VAV3: variants seen among roughly 807,000 people sequenced by gnomAD.
VAV3 encodes vav guanine nucleotide exchange factor 3.
VAV3 carries 94 observed loss-of-function variants against 131.2 expected under a neutral mutation model. The observed-to-expected ratio is 0.72, with a 90% CI of 0.61 to 0.85. The LOEUF (loss-of-function observed/expected upper bound fraction) is 0.85. VAV3 is among the 40% of genes least tolerant of loss of function. The probability of loss-of-function intolerance (pLI) is 0.00; values close to 1 mark genes in which losing one functional copy is unlikely to be tolerated. For missense variants in VAV3, 939 were observed against 1,002.7 expected, an observed-to-expected ratio of 0.94 and a Z score of 0.86; for synonymous variants, 349 against 342.0, an observed-to-expected ratio of 1.02 and a Z score of -0.22.
chr1:107,698,892 T>G (rs573666722), intron 17 of VAV3, among the ~76,000 whole-genome samples: 1 of 152,122 alleles, frequency 6.6e-6, no homozygotes, highest in African/African-American at 2.4e-5. Context: ...GAGAACTTAT[T>G]CACTATCATG....
intron 1 of VAV3, among the ~76,000 whole-genome samples, chr1:107,877,632 T>C (rs1002679004): frequency 4.6e-5 from 7 of 152,326 alleles, no homozygotes; most frequent in African/African-American, 1.7e-4. Context: ...CCACAAATAT[T>C]TACTGAATTT....
chr1:107,842,643 T>G lies in VAV3; in HGVS notation c.321+32258A>C, dbSNP rs79482905. Among the ~76,000 whole-genome samples the G allele has an allele frequency of 7.4e-3, 1,133 of 152,298 alleles. 13 individuals are homozygous for G. Among genetic ancestry groups the G allele is most frequent in the African/African-American group, 0.017 (688 of 41,570 alleles). ...GAGATAGCTCAATGAGATTTCATTC[T>G]TCTTTTTTTTAAAACTTAGTTAATT... On this transcript the variant is annotated intron_variant, in intron 2 of 26. Coordinates refer to ENST00000370056, the MANE Select transcript of VAV3 (RefSeq NM_006113.5).
intron 2 of VAV3, among the ~76,000 whole-genome samples, chr1:107,781,591 A>G (rs1665693392): frequency 6.6e-6 from 1 of 152,214 alleles, no homozygotes; most frequent in South Asian, 2.1e-4. Context: ...AAAACTCTTT[A>G]GGATAGTTCT....
chr1:107,920,214 T>C (rs1672828746), intron 1 of VAV3, among the ~76,000 whole-genome samples: 1 of 152,198 alleles, frequency 6.6e-6, no homozygotes, highest in East Asian at 1.9e-4. Flanking sequence ...GTATAGCATG[T>C]GATAAAACGG....
At chr1:107,888,569 C>T (rs1334431537) in intron 1 of VAV3, among the ~76,000 whole-genome samples, 2 of 152,292 alleles carry the variant, frequency 1.3e-5, no homozygotes, top group East Asian at 1.9e-4. Flanking sequence ...TGCGATTCTC[C>T]TGCCTCAGAC....
At chr1:107,950,659 G>A (rs1450477742) in intron 1 of VAV3, among the ~76,000 whole-genome samples, 1 of 152,206 alleles carries the variant, frequency 6.6e-6, no homozygotes, top group Non-Finnish European at 1.5e-5. Context: ...GCCTGAGAAG[G>A]AGGGTGCTCT....
At chr1:107,657,834 C>T (rs1557738934) in intron 19 of VAV3, among the ~76,000 whole-genome samples, 2 of 152,162 alleles carry the variant, frequency 1.3e-5, no homozygotes, top group Admixed American at 6.5e-5. Flanking sequence ...TTTTCAGGTG[C>T]TTCACTGGTG....
At chr1:107,590,337 C>T (rs1469528554) in intron 25 of VAV3, among the ~76,000 whole-genome samples, 1 of 152,144 alleles carries the variant, frequency 6.6e-6, no homozygotes, top group Non-Finnish European at 1.5e-5. Flanking sequence ...CTTATTTAGC[C>T]CCTTCTGAGG....
At chr1:107,836,313 A>C (rs372863876) in intron 2 of VAV3, among the ~76,000 whole-genome samples, 46 of 152,286 alleles carry the variant, frequency 3.0e-4, no homozygotes, top group African/African-American at 8.2e-4. Flanking sequence ...CAAACAACTT[A>C]CTCCTGAATG....
chr1:107,596,327 G>A lies in VAV3; in HGVS notation c.2235C>T (p.Tyr745=). Residue 745 remains tyrosine, a synonymous_variant, in exon 25 of 27, where the codon TAC becomes TAT. Transcript: ENST00000370056. ...KFKSLMELVE[Y]YKHHSLKEGF... ...CTTCCTTGAGAGAATGATGCTTGTA[G>A]TACTCCACAAGTTCCTTTGGAAAAA... 1.2e-6 allele frequency: 2 copies of A among 1,611,604 alleles called. No homozygotes were observed. Among genetic ancestry groups the A allele is most frequent in the Middle Eastern group, 1.7e-4 (1 of 6,054 alleles).
At position 107,642,621 on chromosome 1, in the gene VAV3, G is replaced by A. The variant is rs749056764; in HGVS notation, c.1912C>T (p.Gln638Ter). ...CCCCTTTCCTGCAACAACAGTACCT[G>A]CCAAAACAGACTGTGTGCATCTCCT... ...LKGDAHSLFW[Q>*]GRNLASGEVG... is the part of the protein sequence containing the mutation. Residue 638 changes from glutamine to a stop codon, truncating the protein, a stop_gained and splice_region_variant, in exon 20 of 27, where the codon CAG (glutamine) becomes TAG (stop). Transcript: ENST00000370056. LOFTEE classifies it high-confidence loss of function. 1.9e-6 allele frequency: 3 copies of A among 1,612,564 alleles called. No individual in the cohort carries two copies. The highest frequency in any genetic ancestry group is 2.5e-6 in the Non-Finnish European group (3 of 1,179,324).
At chr1:107,664,109 ATAC>A (rs1657238036) in intron 19 of VAV3, among the ~76,000 whole-genome samples, 1 of 152,166 alleles carries the variant, frequency 6.6e-6, no homozygotes. Context: ...TTTAATAAGC[ATAC>A]ATTAGCTATT....
At chr1:107,938,217 C>T (rs17020424) in intron 1 of VAV3, among the ~76,000 whole-genome samples, 14,137 of 152,110 alleles carry the variant, frequency 0.093, 763 homozygotes, top group African/African-American at 0.15. Flanking sequence ...AGGCGATCCC[C>T]GAGCCAGAAA....
chr1:107,830,926 T>C (rs551425207), intron 2 of VAV3, among the ~76,000 whole-genome samples: 1 of 152,240 alleles, frequency 6.6e-6, no homozygotes, highest in Non-Finnish European at 1.5e-5. Context: ...AGTTTAAAAC[T>C]AGCTGATTAT....
In VAV3 at chr1:107,571,817, G is replaced by C. The variant is rs891205375; in HGVS notation, c.*1514C>G. The C allele has an allele frequency of 6.6e-6, 1 of 152,666 alleles. No homozygotes were observed. The highest frequency in any genetic ancestry group is 2.4e-5 in the African/African-American group (1 of 41,460). 9.5% of individuals were successfully genotyped at this position (152,666 alleles called of 1,614,324 possible). A position where few individuals can be genotyped will look rare whatever the true frequency, so the allele number is the denominator to read the frequency against. On this transcript the variant is annotated 3_prime_UTR_variant, in exon 27 of 27. Coordinates refer to ENST00000370056, the MANE Select transcript of VAV3 (RefSeq NM_006113.5). ...AATCTATCCTAGATGAAAAGTCCTA[G>C]CCCATGAGGGTCTCTAACAGGGGGA...
chr1:107,574,054 T>C lies in VAV3; in HGVS notation c.2495A>G (p.Asn832Ser), dbSNP rs370762482. Residue 832 changes from asparagine (N) to serine (S), a missense_variant, in exon 26 of 27, where the codon AAT (asparagine) becomes AGT (serine). Asn to Ser is a conservative substitution (Grantham distance 46, BLOSUM62 1). Transcript: ENST00000370056. The stretch of plus-strand genomic sequence containing the variant: ...TCGAGAGGGCCAACTTACCCTGCCA[T>C]TTACTTCTCCTCTCCACCAGCCATT... The part of the protein sequence containing the change: ...SANGWWRGEV[N>S]GRVGWFPSTY... 4 of 1,613,958 alleles carry C rather than the reference T, an allele frequency of 2.5e-6. No individual in the cohort carries two copies. The African/African-American group carries it at 5.3e-5, about 22-fold the overall frequency.
At chr1:107,825,215 A>C (rs1224162376) in intron 2 of VAV3, among the ~76,000 whole-genome samples, 1 of 152,156 alleles carries the variant, frequency 6.6e-6, no homozygotes. Context: ...CTTGATCTAG[A>C]TTATATGCAA....
chr1:107,759,667 C>T (rs1664308260), intron 10 of VAV3, among the ~76,000 whole-genome samples: 1 of 151,940 alleles, frequency 6.6e-6, no homozygotes, highest in Non-Finnish European at 1.5e-5. Context: ...TAAAACAACC[C>T]AAGGGAAATT....
intron 17 of VAV3, among the ~76,000 whole-genome samples, chr1:107,696,146 C>T (rs946813594): frequency 6.6e-6 from 1 of 152,128 alleles, no homozygotes; most frequent in Non-Finnish European, 1.5e-5. Flanking sequence ...TCTGTATAAG[C>T]AAGCATTATC....
Sources: allele counts gnomAD v4.1 joint callset (sites outside exome capture counted in the v4.1 genomes callset), GRCh38; gene constraint gnomAD v4.1.1; transcripts MANE v1.5; gene names NCBI Gene and HGNC (gene_info 2026-07-23, HGNC 2026-07-21).